The following KAZN variants were observed in gnomAD, a reference collection of about 807,000 sequenced individuals.
The protein encoded by KAZN is kazrin.
A neutral mutation model predicts 87.4 loss-of-function variants in KAZN; 40 were observed. The observed-to-expected ratio is 0.46, with a 90% CI of 0.36 to 0.60. KAZN has a LOEUF of 0.60. Among genes scored for constraint, KAZN ranks in the 20% least tolerant of loss-of-function variants. KAZN has a pLI of 0.00. For synonymous variants in KAZN, 466 were observed against 458.3 expected (o/e 1.02, Z -0.22); for missense variants, 898 against 1,073.9 (o/e 0.84, Z 2.29).
At chr1:13,947,423 C>G (rs1379393505) in intron 1 of KAZN, among the ~76,000 whole-genome samples, 2 of 152,164 alleles carry the variant, frequency 1.3e-5, no homozygotes, top group Non-Finnish European at 2.9e-5. Context: ...TCACCTCCCA[C>G]CTGGTCCCTT....
At chr1:14,633,667 T>G (rs1679744949) in intron 1 of KAZN, among the ~76,000 whole-genome samples, 1 of 152,112 alleles carries the variant, frequency 6.6e-6, no homozygotes, top group Admixed American at 6.5e-5. Flanking sequence ...TACACAGCCA[T>G]TCACTCTGCT....
At chr1:14,358,360 A>T (rs80299064) in intron 2 of KAZN, among the ~76,000 whole-genome samples, 27,131 of 82,060 alleles carry the variant, frequency 0.33, 2,756 homozygotes, top group Middle Eastern at 0.48. Context: ...TAAATCTTTT[A>T]AAAAAAAAAA....
intron 2 of KAZN, among the ~76,000 whole-genome samples, chr1:14,292,316 G>C (rs748666845): frequency 9.9e-5 from 15 of 152,200 alleles, no homozygotes; most frequent in Non-Finnish European, 1.9e-4. Context: ...TCAGGGTAGA[G>C]AACACAGAGA....
At chr1:14,189,087 A>C (rs2100351822) in intron 2 of KAZN, among the ~76,000 whole-genome samples, 1 of 152,270 alleles carries the variant, frequency 6.6e-6, no homozygotes, top group Middle Eastern at 3.4e-3. Flanking sequence ...ACAGCCAGTA[A>C]GACTCCTTGG....
At chr1:14,456,123 T>C (rs1050048921) in intron 2 of KAZN, among the ~76,000 whole-genome samples, 4 of 152,234 alleles carry the variant, frequency 2.6e-5, no homozygotes, top group Non-Finnish European at 4.4e-5. Context: ...TTTATATAAA[T>C]GTGCACCTTC....
chr1:14,370,845 T>G (rs1571423925), intron 2 of KAZN, among the ~76,000 whole-genome samples: 1 of 152,286 alleles, frequency 6.6e-6, no homozygotes, highest in Admixed American at 6.5e-5. Context: ...CTACCACGCC[T>G]GGCTAATTTT....
chr1:14,190,551 G>T (rs1004636666), intron 2 of KAZN, among the ~76,000 whole-genome samples: 1 of 152,120 alleles, frequency 6.6e-6, no homozygotes, highest in African/African-American at 2.4e-5. Context: ...CTTGCCCTTT[G>T]ATTCTGAACT....
chr1:14,137,661 A>G (rs1426546667), intron 1 of KAZN, among the ~76,000 whole-genome samples: 2 of 151,616 alleles, frequency 1.3e-5, no homozygotes, highest in African/African-American at 4.9e-5. Context: ...ACTGCTGACA[A>G]CAGTATCTGG....
At chr1:14,539,236 G>A (rs1028093630) in intron 2 of KAZN, among the ~76,000 whole-genome samples, 45 of 152,148 alleles carry the variant, frequency 3.0e-4, no homozygotes, top group African/African-American at 1.1e-3. Context: ...CCCATTCCCG[G>A]CAATACACTG....
chr1:14,206,309 CAG>C (rs1403546717), intron 2 of KAZN, among the ~76,000 whole-genome samples: 2 of 152,090 alleles, frequency 1.3e-5, no homozygotes, highest in Non-Finnish European at 2.9e-5. Context: ...AGAACAGAAA[CAG>C]AATAATTGTA....
rs1288533374 is a variant in KAZN, at chr1:15,110,513, G to A, written c.2049-1914G>A. Among the ~76,000 whole-genome samples the A allele has an allele frequency of 6.1e-5, 5 of 82,478 alleles. No individual in the cohort carries two copies. In the South Asian group the frequency reaches 1.5e-3, roughly 25 times the overall value. 54.1% of individuals were successfully genotyped at this position (82,478 alleles called of 152,430 possible). A position where few individuals can be genotyped will look rare whatever the true frequency, so the allele number is the denominator to read the frequency against. On this transcript the variant is annotated intron_variant, in intron 13 of 14. Transcript: ENST00000376030. ...TGTATGTATGTGTGTGTATTTGTGT[G>A]TTTGTGTGTATGTGTTTGTGTGTGT...
chr1:13,917,837 A>C (rs2100891336), intron 1 of KAZN, among the ~76,000 whole-genome samples: 1 of 151,786 alleles, frequency 6.6e-6, no homozygotes, highest in South Asian at 2.1e-4. Flanking sequence ...AATTATGCTA[A>C]ATCTATTCCA....
chr1:14,325,826 A>G (rs898564815), intron 2 of KAZN, among the ~76,000 whole-genome samples: 2 of 152,246 alleles, frequency 1.3e-5, no homozygotes, highest in Non-Finnish European at 2.9e-5. Context: ...AAACACTTTC[A>G]TCACGTGGCT....
chr1:14,504,071 C>T lies in KAZN; in HGVS notation c.250-94912C>T, dbSNP rs191842390. ...CTCCTTAAATGTCGTGCCCTAGTCG[C>T]TTTGATTGACTCACTCTAATCCAGA... On this transcript the variant is annotated intron_variant, in intron 2 of 16. Coordinates refer to the KAZN transcript ENST00000636203. Among the ~76,000 whole-genome samples the T allele has an allele frequency of 2.7e-3, 405 of 152,290 alleles. 1 individual carries two copies. The highest frequency in any genetic ancestry group is 9.2e-3 in the African/African-American group (382 of 41,552).
At chr1:14,315,081 C>T (rs1026873868) in intron 2 of KAZN, among the ~76,000 whole-genome samples, 1 of 152,140 alleles carries the variant, frequency 6.6e-6, no homozygotes, top group Non-Finnish European at 1.5e-5. Context: ...TGATGGACAA[C>T]TGTTTTTCTT....
At chr1:14,264,662 C>T (rs1019111206) in intron 2 of KAZN, among the ~76,000 whole-genome samples, 6 of 152,192 alleles carry the variant, frequency 3.9e-5, no homozygotes, top group Admixed American at 3.3e-4. Flanking sequence ...ACTTCTCAGC[C>T]TTCAGCACTG....
intron 1 of KAZN, among the ~76,000 whole-genome samples, chr1:13,912,525 C>T (rs1254564542): frequency 6.6e-6 from 1 of 152,162 alleles, no homozygotes; most frequent in African/African-American, 2.4e-5. Context: ...TGTTGACACC[C>T]ATTTAAAAAG....
chr1:14,352,231 A>G (rs3897492), intron 2 of KAZN, among the ~76,000 whole-genome samples: 89,693 of 151,996 alleles, frequency 0.59, 27,180 homozygotes, highest in African/African-American at 0.66. Flanking sequence ...GTACAATTAG[A>G]CACAGAATCG....
At chr1:14,400,833 T>C (rs574873871) in intron 2 of KAZN, among the ~76,000 whole-genome samples, 3 of 152,358 alleles carry the variant, frequency 2.0e-5, no homozygotes, top group South Asian at 4.1e-4. Flanking sequence ...AGAATTAGCA[T>C]TGAACACTGG....
Sources: allele counts gnomAD v4.1 joint callset (sites outside exome capture counted in the v4.1 genomes callset), GRCh38; gene constraint gnomAD v4.1.1; transcripts MANE v1.5; gene names NCBI Gene and HGNC (gene_info 2026-07-23, HGNC 2026-07-21).